Variants in PCNX2 observed in about 807,000 individuals in gnomAD.
PCNX2 encodes the protein pecanex 2.
Under a neutral mutation model 223.8 loss-of-function variants are expected in PCNX2, and 168 were observed. That is an observed-to-expected ratio of 0.75 (90% CI 0.66 to 0.85). The LOEUF is 0.85. Ranked by LOEUF, PCNX2 falls within the 40% of genes least tolerant of loss-of-function variation. PCNX2 has a pLI of 0.00. For synonymous variants in PCNX2, 1,006 were observed against 1,052.6 expected, an observed-to-expected ratio of 0.96 and a Z score of 0.86; for missense variants, 2,507 against 2,675.5, an observed-to-expected ratio of 0.94 and a Z score of 1.39.
chr1:233,273,698 A>T (rs112908460), intron 1 of PCNX2, among the ~76,000 whole-genome samples: 13,006 of 151,104 alleles, frequency 0.086, 690 homozygotes, highest in South Asian at 0.17. Flanking sequence ...ATCTCGGCTC[A>T]CTACAACTTC....
intron 20 of PCNX2, among the ~76,000 whole-genome samples, chr1:233,136,062 G>A (rs1676785299): frequency 6.6e-6 from 1 of 152,198 alleles, no homozygotes; most frequent in Non-Finnish European, 1.5e-5. Flanking sequence ...CTTGAGATTG[G>A]AGGGCAAATG....
chr1:233,227,254 G>A lies in PCNX2; in HGVS notation c.2476C>T (p.Arg826Ter), dbSNP rs762677952. ...TCAAGTAATGCCAGCAAGGTCAGTC[G>A]ATCATACCAGACTTTAATCCACTTG... The part of the protein sequence containing the change: ...PGKWIKVWYD[R>*]LTLLALLDRT... Residue 826 changes from arginine to a stop codon, truncating the protein, a stop_gained, in exon 10 of 34, where the codon CGA becomes TGA. Coordinates refer to ENST00000258229, the MANE Select transcript of PCNX2 (RefSeq NM_014801.4). LOFTEE classifies it high-confidence loss of function. The A allele has an allele frequency of 3.1e-6, 5 of 1,612,732 alleles. No individual in the cohort carries two copies. In the Admixed American group the frequency reaches 5.0e-5, roughly 16 times the overall value.
chr1:233,174,070 T>C (rs886077167), intron 17 of PCNX2, among the ~76,000 whole-genome samples: 1 of 145,764 alleles, frequency 6.9e-6, no homozygotes, highest in South Asian at 2.1e-4. Context: ...AAATTTTATA[T>C]ATAATATATA....
At chr1:233,048,328 A>G (rs1047943494) in intron 25 of PCNX2, among the ~76,000 whole-genome samples, 5 of 152,128 alleles carry the variant, frequency 3.3e-5, no homozygotes, top group African/African-American at 1.2e-4. Context: ...GTGGTGGCAC[A>G]CACCTATAAA....
At chr1:233,284,741 G>T (rs1023777594) in intron 1 of PCNX2, among the ~76,000 whole-genome samples, 1 of 152,154 alleles carries the variant, frequency 6.6e-6, no homozygotes, top group African/African-American at 2.4e-5. Flanking sequence ...GCACAGGGTA[G>T]AATTGCACTA....
Position 233,057,228 on chromosome 1 carries a change from T to C in PCNX2, c.4135+4A>G, listed in dbSNP as rs993771522. 1 of 1,592,972 alleles carries C rather than the reference T, an allele frequency of 6.3e-7. No individual in the cohort carries two copies. The highest frequency in any genetic ancestry group is 1.7e-5 in the Admixed American group (1 of 59,368). On this transcript the variant is annotated splice_donor_region_variant and intron_variant, in intron 24 of 33. Coordinates refer to ENST00000258229, the MANE Select transcript of PCNX2 (RefSeq NM_014801.4). ...GTTGAAAAAGAGAGAAGAGATCTTC[T>C]TACCTGGATCTCTTTCAATTTGGAC...
At chr1:233,096,399 T>A (rs548876726) in intron 21 of PCNX2, among the ~76,000 whole-genome samples, 1 of 152,160 alleles carries the variant, frequency 6.6e-6, no homozygotes, top group Non-Finnish European at 1.5e-5. Context: ...TTTGGGAAGA[T>A]ATGGAAAATA....
intron 21 of PCNX2, among the ~76,000 whole-genome samples, chr1:233,104,676 T>C (rs543802259): frequency 2.0e-5 from 3 of 152,138 alleles, no homozygotes; most frequent in Non-Finnish European, 4.4e-5. Context: ...CTAAGAGATA[T>C]GTATATTAGA....
intron 21 of PCNX2, among the ~76,000 whole-genome samples, chr1:233,124,252 C>T (rs1186773350): frequency 1.3e-5 from 2 of 151,998 alleles, no homozygotes; most frequent in African/African-American, 4.8e-5. Context: ...GATGGGATGC[C>T]GTAGGGTATG....
rs1249855406 is a variant in PCNX2, at chr1:232,984,462, A to AT, written c.6255dup (p.Cys2086MetfsTer2). ...TGCTCGGTGGCATCAGGGGGCTCAC[A>AT]TGGCTCGGAGAGGTGCTTCCAAAGA... On this transcript the variant is annotated frameshift_variant, in exon 34 of 34. Transcript: ENST00000258229. LOFTEE classifies it low-confidence loss of function (END_TRUNC). The AT allele has an allele frequency of 4.3e-6, 7 of 1,613,134 alleles. No individual in the cohort carries two copies. The African/African-American group carries it at 8.0e-5, about 18-fold the overall frequency.
At chr1:233,120,186 AAAT>A (rs1675697835) in intron 21 of PCNX2, among the ~76,000 whole-genome samples, 2 of 142,136 alleles carry the variant, frequency 1.4e-5, no homozygotes, top group African/African-American at 2.6e-5. Flanking sequence ...AAAAAAAAAG[AAAT>A]AAAAAGAAAA....
chr1:233,160,245 CCTT>C, intron 19 of PCNX2, 35 bp downstream of exon 19: 2 of 1,522,716 alleles, frequency 1.3e-6, no homozygotes, highest in Non-Finnish European at 1.8e-6. Flanking sequence ...ACCTACCCCT[CCTT>C]TTTTTTTTTT....
rs1434927210 is a variant in PCNX2, at chr1:233,217,895, T to G, written c.2691+4A>C. On this transcript the variant is annotated splice_donor_region_variant and intron_variant, in intron 12 of 33. Transcript: ENST00000258229. Reference sequence around the variant, plus strand: ...AAGCTACTTGCCTGTATTTGGAAACTTACGTGTATTGGTGAGGCGGGGTCA... The same window carrying G: ...AAGCTACTTGCCTGTATTTGGAAACGTACGTGTATTGGTGAGGCGGGGTCA... 6.2e-7 allele frequency: 1 copy of G among 1,613,882 alleles called. No individual in the cohort carries two copies. The highest frequency in any genetic ancestry group is 8.5e-7 in the Non-Finnish European group (1 of 1,179,856).
intron 17 of PCNX2, among the ~76,000 whole-genome samples, chr1:233,175,358 G>C (rs1241833587): frequency 6.6e-6 from 1 of 152,156 alleles, no homozygotes; most frequent in Non-Finnish European, 1.5e-5. Flanking sequence ...TGAAAACCAA[G>C]GGAGGCAACA....
At chr1:233,241,179 T>C in intron 8 of PCNX2, 1 of 985,348 alleles carries the variant, frequency 1.0e-6, no homozygotes, top group Non-Finnish European at 1.2e-6. Flanking sequence ...TCTCCTTTTA[T>C]GTGACAGTAA....
chr1:233,244,637 G>A (rs1658992649), intron 8 of PCNX2, among the ~76,000 whole-genome samples: 1 of 152,086 alleles, frequency 6.6e-6, no homozygotes, highest in African/African-American at 2.4e-5. Context: ...GTTGAACCCA[G>A]GAGGCAGAAG....
At position 233,193,933 on chromosome 1, in the gene PCNX2, C is replaced by T. The variant is rs35453815; in HGVS notation, c.3066+5006G>A. ...ATGATGTGGGGCAATATTAAATGATCTAACATGTATATAATTGGAGGCCCA... is the reference window on the plus strand; with the variant it reads ...ATGATGTGGGGCAATATTAAATGATTTAACATGTATATAATTGGAGGCCCA... On this transcript the variant is annotated intron_variant, in intron 15 of 33. Coordinates refer to ENST00000258229, the MANE Select transcript of PCNX2 (RefSeq NM_014801.4). Among the ~76,000 whole-genome samples, 1,455 of 152,026 alleles carry T rather than the reference C, an allele frequency of 9.6e-3. 20 individuals are homozygous for T. The highest frequency in any genetic ancestry group is 0.013 in the Non-Finnish European group (863 of 67,968).
At chr1:233,143,259 T>C (rs1188479727) in intron 19 of PCNX2, among the ~76,000 whole-genome samples, 1 of 152,218 alleles carries the variant, frequency 6.6e-6, no homozygotes, top group African/African-American at 2.4e-5. Context: ...TCACTTCTCA[T>C]AGCTGTACGT....
intron 21 of PCNX2, among the ~76,000 whole-genome samples, chr1:233,117,937 G>C (rs532320120): frequency 1.3e-5 from 2 of 149,676 alleles, no homozygotes; most frequent in African/African-American, 4.9e-5. Flanking sequence ...GTGAACCCGG[G>C]AGGCGGAGCT....
Sources: gnomAD v4.1 joint callset for allele counts (sites outside exome capture counted in the v4.1 genomes callset) on GRCh38, gnomAD v4.1.1 for gene constraint, MANE v1.5 for transcripts, NCBI Gene and HGNC (gene_info 2026-07-23, HGNC 2026-07-21) for gene names.